The following BEND2 variants were observed in gnomAD, a reference collection of about 807,000 sequenced individuals.
BEND2 encodes the protein BEN domain-containing protein 2.
Under a neutral mutation model 43.8 loss-of-function variants are expected in BEND2, and 19 were observed. The ratio of observed to expected loss-of-function variants is 0.43; its 90% CI spans 0.30 to 0.64. The LOEUF is 0.64. Ranked by LOEUF, BEND2 falls within the 30% of genes least tolerant of loss-of-function variation. BEND2 has a pLI of 0.11. For missense variants in BEND2, 544 were observed against 574.0 expected (o/e 0.95, Z 0.53); for synonymous variants, 226 against 210.1 (o/e 1.08, Z -0.66).
intron 2 of BEND2, among the ~76,000 whole-genome samples, chrX:18,214,810 C>CAAAAAAAAAAAAAAAAAAAAAA (rs58814498): frequency 2.8e-5 from 1 of 35,450 alleles, no homozygotes; most frequent in African/African-American, 1.2e-4. Flanking sequence ...GACTCTGTCT[C>CAAAAAAAAAAAAAAAAAAAAAA]AAAAAAAAAA....
chrX:18,220,107 A>T (rs1276575285), intron 1 of BEND2, among the ~76,000 whole-genome samples: 2 of 111,121 alleles, frequency 1.8e-5, no homozygotes, highest in Non-Finnish European at 1.9e-5. Flanking sequence ...CTCAAAATGT[A>T]ACCCACGCGG....
At chrX:18,207,541 T>A (rs1282459577) in intron 4 of BEND2, among the ~76,000 whole-genome samples, 1 of 111,927 alleles carries the variant, frequency 8.9e-6, no homozygotes, top group African/African-American at 3.2e-5. Context: ...ACAATCTAGA[T>A]GAAAGAGGCT....
chrX:18,205,221 C>T (rs1925293386), intron 4 of BEND2, among the ~76,000 whole-genome samples: 1 of 110,732 alleles, frequency 9.0e-6, no homozygotes, highest in African/African-American at 3.3e-5. Flanking sequence ...TTATTGACGG[C>T]CTTCCACCTG....
intron 13 of BEND2, among the ~76,000 whole-genome samples, chrX:18,166,437 T>G (rs925561681): frequency 8.9e-6 from 1 of 111,742 alleles, no homozygotes; most frequent in Non-Finnish European, 1.9e-5. Context: ...ACAAGCATAT[T>G]CAGGGTTCTG....
At chrX:18,219,137 T>C (rs1602057663) in intron 1 of BEND2, among the ~76,000 whole-genome samples, 1 of 111,855 alleles carries the variant, frequency 8.9e-6, no homozygotes, top group Non-Finnish European at 1.9e-5. Context: ...GCCAGAACCG[T>C]ATCCCATCGC....
At chrX:18,197,755 T>C (rs1012325427) in intron 6 of BEND2, among the ~76,000 whole-genome samples, 12 of 111,684 alleles carry the variant, frequency 1.1e-4, no homozygotes, top group Non-Finnish European at 2.3e-4. Context: ...TGAGTAATGA[T>C]ATGGTTTGGC....
intron 1 of BEND2, among the ~76,000 whole-genome samples, chrX:18,220,228 C>T (rs940372560): frequency 8.9e-6 from 1 of 112,362 alleles, no homozygotes; most frequent in South Asian, 3.7e-4. Context: ...CTGTGTTCCG[C>T]GGCTGCCCAC....
intron 4 of BEND2, among the ~76,000 whole-genome samples, chrX:18,205,045 T>C (rs1240228022): frequency 9.0e-6 from 1 of 110,977 alleles, no homozygotes; most frequent in Non-Finnish European, 1.9e-5. Flanking sequence ...CAACAACTAA[T>C]CTTACAAAAC....
At chrX:18,174,333 A>G in intron 11 of BEND2, 75 bp from the exon 12 acceptor site, 1 of 930,203 alleles carries the variant, frequency 1.1e-6, no homozygotes, top group East Asian at 3.1e-5. Context: ...ACCACCTACC[A>G]GGCCCACCAG....
intron 4 of BEND2, among the ~76,000 whole-genome samples, chrX:18,208,799 T>C (rs1002213333): frequency 1.8e-5 from 2 of 111,653 alleles, no homozygotes; most frequent in African/African-American, 3.3e-5. Flanking sequence ...TGTGTGTGCA[T>C]GGATTGGGAT....
chrX:18,175,052 A>G (rs368502202), intron 11 of BEND2, among the ~76,000 whole-genome samples: 3 of 111,640 alleles, frequency 2.7e-5, no homozygotes, highest in East Asian at 2.8e-4. Flanking sequence ...CTCTTCTGAC[A>G]CCTAAGCAAA....
intron 12 of BEND2, among the ~76,000 whole-genome samples, chrX:18,171,595 C>T (rs1002738377): frequency 2.7e-5 from 3 of 111,501 alleles, no homozygotes; most frequent in African/African-American, 9.8e-5. Flanking sequence ...CCTCCTGCCT[C>T]GGCCTCCCAA....
chrX:18,216,767 T>C, intron 1 of BEND2, 34 bp from the exon 2 acceptor site: 1 of 1,035,028 alleles, frequency 9.7e-7, no homozygotes, highest in Non-Finnish European at 1.3e-6. Flanking sequence ...TTAGATTCAA[T>C]ATCACATTAA....
chrX:18,164,722 T>A lies in BEND2; in HGVS notation c.*287A>T, dbSNP rs753465912. The A allele has an allele frequency of 8.5e-6, 2 of 234,075 alleles. No homozygotes were observed. Among genetic ancestry groups the A allele is most frequent in the Non-Finnish European group, 1.5e-5 (2 of 132,949 alleles). The allele number at this position is 234,075 out of a possible 1,213,427, so 19.3% of individuals were successfully genotyped here. A position where few individuals can be genotyped will look rare whatever the true frequency, so the allele number is the denominator to read the frequency against. On this transcript the variant is annotated 3_prime_UTR_variant, in exon 14 of 14. Coordinates refer to ENST00000380033, the MANE Select transcript of BEND2 (RefSeq NM_153346.5). ...TCTACCTTATCAAAAAAACAAAGTA[T>A]ATTAATGTCAATTATCTAAGTCAAA... is the stretch of plus-strand genomic sequence containing the variant.
intron 8 of BEND2, among the ~76,000 whole-genome samples, chrX:18,182,060 T>C (rs1924401963): frequency 8.9e-6 from 1 of 111,777 alleles, no homozygotes; most frequent in African/African-American, 3.3e-5. Flanking sequence ...TTCAATAACA[T>C]AAGTAGATTA....
At chrX:18,197,616 T>C (rs1924998904) in intron 6 of BEND2, among the ~76,000 whole-genome samples, 1 of 110,866 alleles carries the variant, frequency 9.0e-6, no homozygotes, top group African/African-American at 3.3e-5. Flanking sequence ...CCGAAGAAAT[T>C]GGGTAATTCA....
rs1923782208 is a variant in BEND2 at position 18,164,937 on chromosome X, G to T, written c.*72C>A. The T allele has an allele frequency of 6.5e-6, 7 of 1,071,514 alleles. No homozygotes were observed. Among genetic ancestry groups the T allele is most frequent in the Middle Eastern group, 7.4e-4 (2 of 2,700 alleles). 88.3% of individuals were successfully genotyped at this position (1,071,514 alleles called of 1,213,427 possible). Reference sequence around the variant, plus strand: ...CTGCCAGTACAGCAGGCTGATTTTGGAATTAGAACTTGAGAAACTTACAAA... The same window carrying T: ...CTGCCAGTACAGCAGGCTGATTTTGTAATTAGAACTTGAGAAACTTACAAA... On this transcript the variant is annotated 3_prime_UTR_variant, in exon 14 of 14. Transcript: ENST00000380033.
intron 8 of BEND2, among the ~76,000 whole-genome samples, chrX:18,189,068 C>T (rs777268732): frequency 3.1e-4 from 34 of 108,939 alleles, no homozygotes; most frequent in African/African-American, 4.4e-4. Flanking sequence ...GGCATGGTGG[C>T]GCATGCCTGT....
chrX:18,198,061 G>C (rs903948636), intron 6 of BEND2, among the ~76,000 whole-genome samples: 2 of 111,500 alleles, frequency 1.8e-5, no homozygotes, highest in African/African-American at 6.5e-5. Context: ...TCAAGATGGC[G>C]TAAAGACTTA....
Sources: gnomAD v4.1 joint callset for allele counts (sites outside exome capture counted in the v4.1 genomes callset) on GRCh38, gnomAD v4.1.1 for gene constraint, MANE v1.5 for transcripts, NCBI Gene and HGNC (gene_info 2026-07-23, HGNC 2026-07-21) for gene names.